Variants in EPHB1 observed in about 807,000 individuals in gnomAD.
The protein encoded by EPHB1 is EPH receptor B1, also known as ephrin type-B receptor 1.
A neutral mutation model predicts 94.4 loss-of-function variants in EPHB1; 30 were observed. That is an observed-to-expected ratio of 0.32 (90% CI 0.24 to 0.43). The LOEUF is 0.43. Ranked by LOEUF, EPHB1 falls within the 20% of genes least tolerant of loss-of-function variation. The pLI is 1.00. For synonymous variants in EPHB1, 522 were observed against 489.1 expected (o/e 1.07, Z -0.89); for missense variants, 1,055 against 1,308.3 (o/e 0.81, Z 2.99).
At chr3:135,191,317 G>A (rs2107709399) in intron 10 of EPHB1, among the ~76,000 whole-genome samples, 1 of 152,258 alleles carries the variant, frequency 6.6e-6, no homozygotes, top group Non-Finnish European at 1.5e-5. Context: ...GAGAAGTTTT[G>A]CATAACAGTC....
intron 1 of EPHB1, among the ~76,000 whole-genome samples, chr3:134,894,313 C>G (rs1199698071): frequency 6.6e-6 from 1 of 152,136 alleles, no homozygotes; most frequent in Non-Finnish European, 1.5e-5. Flanking sequence ...CTTGGACTGG[C>G]CATGAAGCTC....
chr3:134,932,687 A>C (rs1252016705), intron 2 of EPHB1, among the ~76,000 whole-genome samples: 2 of 152,236 alleles, frequency 1.3e-5, no homozygotes, highest in African/African-American at 2.4e-5. Flanking sequence ...GTAAACACTT[A>C]GGAAATGTTA....
chr3:135,087,553 G>A (rs558329498), intron 3 of EPHB1, among the ~76,000 whole-genome samples: 1 of 152,268 alleles, frequency 6.6e-6, no homozygotes, highest in African/African-American at 2.4e-5. Context: ...ATGGGCAGCA[G>A]CCTGGCTGCA....
intron 3 of EPHB1, among the ~76,000 whole-genome samples, chr3:135,068,334 G>A (rs1937611014): frequency 6.6e-6 from 1 of 152,074 alleles, no homozygotes; most frequent in Non-Finnish European, 1.5e-5. Flanking sequence ...ACCAATACTT[G>A]TTAATATCTG....
At chr3:135,093,729 A>G (rs960782541) in intron 3 of EPHB1, among the ~76,000 whole-genome samples, 10 of 152,178 alleles carry the variant, frequency 6.6e-5, no homozygotes, top group Non-Finnish European at 1.2e-4. Flanking sequence ...CTCAAAAAAA[A>G]AAAAAAAATC....
At chr3:135,249,206 C>A in intron 14 of EPHB1, 130 bp from the exon 15 acceptor site, 3 of 1,092,516 alleles carry the variant, frequency 2.7e-6, no homozygotes, top group Non-Finnish European at 3.8e-6. Flanking sequence ...AAGGTTCAGC[C>A]CAGGGCTCCA....
At chr3:135,016,581 G>T (rs1935801704) in intron 3 of EPHB1, among the ~76,000 whole-genome samples, 1 of 152,142 alleles carries the variant, frequency 6.6e-6, no homozygotes, top group Non-Finnish European at 1.5e-5. Context: ...GACTTTGAGG[G>T]GCTGAGGGCA....
Position 135,241,337 on chromosome 3 carries a change from G to A in EPHB1, c.2496+40G>A, listed in dbSNP as rs772085279. 1.7e-5 allele frequency: 27 copies of A among 1,611,670 alleles called. No individual in the cohort carries two copies. In the Admixed American group the frequency reaches 3.3e-4, roughly 20 times the overall value. On this transcript the variant is annotated intron_variant, in intron 13 of 15. Coordinates refer to ENST00000398015, the MANE Select transcript of EPHB1 (RefSeq NM_004441.5). The stretch of plus-strand genomic sequence containing the variant: ...CACTTGGTCACCACAAACCCCCATT[G>A]AAGGGATCCCAAAGGCAGTAGCATA...
At position 135,048,259 on chromosome 3, in the gene EPHB1, C is replaced by CTTT. The variant is rs34135757; in HGVS notation, c.806-58168_806-58166dup. On this transcript the variant is annotated intron_variant, in intron 3 of 15. Coordinates refer to ENST00000398015, the MANE Select transcript of EPHB1 (RefSeq NM_004441.5). ...TTTTCTTTTTCTTTCTTTCTTTTTT[C>CTTT]TTTTTTTTTTTTTTTTTTTTTTTGA... 4.3e-3 allele frequency among the ~76,000 whole-genome samples: 238 copies of CTTT among 55,204 alleles called. 5 individuals carry two copies. The highest frequency in any genetic ancestry group is 0.022 in the East Asian group (35 of 1,584). The allele number at this position is 55,204 out of a possible 152,430, so 36.2% of individuals were successfully genotyped here. A position where few individuals can be genotyped will look rare whatever the true frequency, so the allele number is the denominator to read the frequency against.
At chr3:135,080,481 T>C (rs1281981391) in intron 3 of EPHB1, among the ~76,000 whole-genome samples, 1 of 152,130 alleles carries the variant, frequency 6.6e-6, no homozygotes, top group East Asian at 1.9e-4. Context: ...TCCAGTCAGA[T>C]TACCCCTGGG....
intron 5 of EPHB1, among the ~76,000 whole-genome samples, chr3:135,147,083 C>T (rs1941033381): frequency 6.6e-6 from 1 of 152,204 alleles, no homozygotes; most frequent in Non-Finnish European, 1.5e-5. Context: ...AATGGCAGAG[C>T]CAGAATAGGC....
At position 135,023,086 on chromosome 3, in the gene EPHB1, G is replaced by C. The variant is rs76067384; in HGVS notation, c.805+71034G>C. Among the ~76,000 whole-genome samples the C allele has an allele frequency of 5.1e-3, 776 of 152,204 alleles. 7 individuals carry two copies. The highest frequency in any genetic ancestry group is 0.018 in the African/African-American group (728 of 41,532). On this transcript the variant is annotated intron_variant, in intron 3 of 15. Coordinates refer to ENST00000398015, the MANE Select transcript of EPHB1 (RefSeq NM_004441.5). ...AGGCTAGTCCTTCATTGGTTATCTG[G>C]TTTCTTCTTTTACTTTTTCTCCTGC...
At chr3:134,869,881 G>T (rs1012077040) in intron 1 of EPHB1, among the ~76,000 whole-genome samples, 1 of 151,992 alleles carries the variant, frequency 6.6e-6, no homozygotes, top group African/African-American at 2.4e-5. Context: ...TATTTATAAT[G>T]ACAAATACAG....
intron 5 of EPHB1, among the ~76,000 whole-genome samples, chr3:135,147,508 A>G (rs377089596): frequency 3.9e-5 from 6 of 152,328 alleles, no homozygotes; most frequent in African/African-American, 1.4e-4. Context: ...GCAATGCCCT[A>G]TGAGGGTAAA....
At chr3:134,829,485 T>A (rs1450613434) in intron 1 of EPHB1, among the ~76,000 whole-genome samples, 1 of 152,182 alleles carries the variant, frequency 6.6e-6, no homozygotes, top group Admixed American at 6.5e-5. Flanking sequence ...TCAATAATGC[T>A]TTCCTCCCCT....
chr3:134,898,500 G>A (rs1418162637), intron 1 of EPHB1, among the ~76,000 whole-genome samples: 3 of 152,110 alleles, frequency 2.0e-5, no homozygotes, highest in Non-Finnish European at 4.4e-5. Context: ...TCTGTACTTG[G>A]TGGCAGGCCA....
intron 1 of EPHB1, among the ~76,000 whole-genome samples, chr3:134,816,856 G>T (rs755282527): frequency 1.3e-5 from 2 of 152,008 alleles, no homozygotes; most frequent in Admixed American, 6.6e-5. Context: ...AGTCGCAGGC[G>T]TCTCAGTGGT....
intron 3 of EPHB1, among the ~76,000 whole-genome samples, chr3:135,056,403 A>G (rs898930455): frequency 8.5e-5 from 13 of 152,204 alleles, no homozygotes; most frequent in African/African-American, 3.1e-4. Context: ...CTCTCTTGGG[A>G]TACACCCTTC....
chr3:134,869,419 A>T (rs2037449772), intron 1 of EPHB1, among the ~76,000 whole-genome samples: 1 of 152,164 alleles, frequency 6.6e-6, no homozygotes, highest in Non-Finnish European at 1.5e-5. Flanking sequence ...TTCCGGGGGA[A>T]TTCAGTGGGA....
Sources: allele counts gnomAD v4.1 joint callset (sites outside exome capture counted in the v4.1 genomes callset), GRCh38; gene constraint gnomAD v4.1.1; transcripts MANE v1.5; gene names NCBI Gene and HGNC (gene_info 2026-07-23, HGNC 2026-07-21).